F9: variants seen among roughly 807,000 people sequenced by gnomAD.
The protein encoded by F9 is coagulation factor IX.
In F9, 2 loss-of-function variants were observed where a neutral mutation model predicts 34.1. The observed-to-expected ratio is 0.06, with a 90% CI of 0.02 to 0.18. F9 has a LOEUF of 0.18. F9 is among the 10% of genes least tolerant of loss of function. The probability of loss-of-function intolerance (pLI) is 1.00; values close to 1 mark genes in which losing one functional copy is unlikely to be tolerated. For synonymous variants in F9, 137 were observed against 118.8 expected, an observed-to-expected ratio of 1.15 and a Z score of -1.00; for missense variants, 216 against 345.1, an observed-to-expected ratio of 0.63 and a Z score of 2.96.
chrX:139,538,824 C>G (rs184607648), intron 3 of F9, among the ~76,000 whole-genome samples: 3 of 110,996 alleles, frequency 2.7e-5, no homozygotes, highest in Admixed American at 9.6e-5. Flanking sequence ...CTCCCCACCC[C>G]CAGGATCATA....
Position 139,536,830 on chromosome X carries a change from T to C in F9, c.89-180T>C, listed in dbSNP as rs144114492. Among the ~76,000 whole-genome samples, 27 of 112,436 alleles carry C rather than the reference T, an allele frequency of 2.4e-4. No individual in the cohort carries two copies. The East Asian group carries it at 7.2e-3, about 30-fold the overall frequency. On this transcript the variant is annotated intron_variant, in intron 1 of 7. Coordinates refer to ENST00000218099, the MANE Select transcript of F9 (RefSeq NM_000133.4). ...ACTAAAAGTAAAATTGAATTTTAATTCCTAAATCTCCATGTGTATACAGTA... is the reference window on the plus strand; with the variant it reads ...ACTAAAAGTAAAATTGAATTTTAATCCCTAAATCTCCATGTGTATACAGTA...
chrX:139,542,994 C>A (rs1235014949), intron 4 of F9, among the ~76,000 whole-genome samples: 1 of 110,874 alleles, frequency 9.0e-6, no homozygotes, highest in Non-Finnish European at 1.9e-5. Context: ...ACAAATTGCT[C>A]TTTATCTCAG....
intron 3 of F9, among the ~76,000 whole-genome samples, chrX:139,539,955 CA>C (rs1927566005): frequency 9.0e-6 from 1 of 111,628 alleles, no homozygotes; most frequent in African/African-American, 3.3e-5. Flanking sequence ...CACCAGATGT[CA>C]AGGAGATTTG....
In F9 at chrX:139,561,875, C is replaced by T. The variant is rs758194285; in HGVS notation, c.1190C>T (p.Ala397Val). ...ACCATCTATAACAACATGTTCTGTG[C>T]TGGCTTCCATGAAGGAGGTAGAGAT... ...KFTIYNNMFC[A>V]GFHEGGRDSC... The change falls in exon 8 of 8, where the codon GCT becomes GTT. Residue 397 changes from alanine to valine, a missense_variant. Ala to Val is a moderately conservative substitution (Grantham distance 64). Around this residue, in one of 2 missense-constraint regions of F9, gnomAD observed 177 missense variants for 311.8 expected, o/e 0.57. Coordinates refer to ENST00000218099, the MANE Select transcript of F9 (RefSeq NM_000133.4). The T allele has an allele frequency of 8.3e-7, 1 of 1,210,071 alleles. No homozygotes were observed. The highest frequency in any genetic ancestry group is 1.1e-6 in the Non-Finnish European group (1 of 895,252).
At chrX:139,536,977 C>T (rs1339519242) in intron 1 of F9, 33 bp from the exon 2 acceptor site, 1 of 1,161,051 alleles carries the variant, frequency 8.6e-7, no homozygotes. Context: ...TTCTTTTTTG[C>T]TAAAACTAAA....
intron 1 of F9, among the ~76,000 whole-genome samples, chrX:139,535,195 C>A (rs2148354770): frequency 9.0e-6 from 1 of 110,898 alleles, no homozygotes; most frequent in Non-Finnish European, 1.9e-5. Flanking sequence ...CCCGGCTTTA[C>A]TAAAAATACA....
Position 139,562,079 on chromosome X carries a change from T to C in F9, c.*8T>C. The C allele has an allele frequency of 5.8e-6, 7 of 1,203,989 alleles. No homozygotes were observed. The highest frequency in any genetic ancestry group is 1.7e-5 in the African/African-American group (1 of 57,731). ...AAAACAAAGCTCACTTAATGAAAGA[T>C]GGATTTCCAAGGTTAATTCATTGGA... On this transcript the variant is annotated 3_prime_UTR_variant, in exon 8 of 8. Coordinates refer to ENST00000218099, the MANE Select transcript of F9 (RefSeq NM_000133.4).
chrX:139,536,537 C>A (rs891669478), intron 1 of F9, among the ~76,000 whole-genome samples: 9 of 111,388 alleles, frequency 8.1e-5, no homozygotes, highest in African/African-American at 2.6e-4. Flanking sequence ...TCTTTAACAT[C>A]TAGTGACAGA....
intron 4 of F9, among the ~76,000 whole-genome samples, chrX:139,544,166 C>T (rs1360961643): frequency 8.9e-6 from 1 of 111,884 alleles, no homozygotes. Flanking sequence ...TCCCATTGTG[C>T]ATGCCCTGGA....
chrX:139,537,476 A>G, intron 3 of F9, 90 bp downstream of exon 3: 1 of 787,757 alleles, frequency 1.3e-6, no homozygotes, highest in African/African-American at 2.0e-5. Flanking sequence ...AATATATTAA[A>G]CTTTGTCAAA....
intron 6 of F9, among the ~76,000 whole-genome samples, chrX:139,559,153 A>C (rs1928038222): frequency 8.9e-6 from 1 of 112,858 alleles, no homozygotes; most frequent in African/African-American, 3.2e-5. Flanking sequence ...ATGTTCAAAA[A>C]TTTAGGAAAA....
intron 1 of F9, among the ~76,000 whole-genome samples, chrX:139,533,414 T>C (rs1401631844): frequency 8.9e-6 from 1 of 111,944 alleles, no homozygotes; most frequent in Non-Finnish European, 1.9e-5. Context: ...GAGGATGAAG[T>C]GAGATAATGG....
At chrX:139,531,764 G>A (rs865869587) in intron 1 of F9, among the ~76,000 whole-genome samples, 6 of 111,963 alleles carry the variant, frequency 5.4e-5, no homozygotes, top group Admixed American at 1.9e-4. Context: ...CAGGATCAGG[G>A]GTGCCAACCC....
intron 1 of F9, among the ~76,000 whole-genome samples, chrX:139,533,915 C>T (rs956121352): frequency 1.8e-5 from 2 of 111,678 alleles, no homozygotes; most frequent in Non-Finnish European, 3.8e-5. Context: ...TGGAGAGGAA[C>T]AGGAGTTAAT....
At chrX:139,552,276 T>G (rs1192372434) in intron 6 of F9, among the ~76,000 whole-genome samples, 1 of 112,228 alleles carries the variant, frequency 8.9e-6, no homozygotes, top group African/African-American at 3.2e-5. Context: ...AATAATGCAC[T>G]TGTACCTAGT....
intron 1 of F9, among the ~76,000 whole-genome samples, chrX:139,533,409 T>C (rs1440427310): frequency 8.9e-6 from 1 of 112,161 alleles, no homozygotes; most frequent in Non-Finnish European, 1.9e-5. Context: ...TTTGTGAGGA[T>C]GAAGTGAGAT....
rs137852242 is a variant in F9, at chrX:139,551,220, G to A, written c.679G>A (p.Val227Ile). The stretch of plus-strand genomic sequence containing the variant: ...CCAATCATTTAATGACTTCACTCGG[G>A]TTGTTGGTGGAGAAGATGCCAAACC... ...STQSFNDFTRVVGGEDAKPGQ... is the reference protein window; with the variant it reads ...STQSFNDFTRIVGGEDAKPGQ... Residue 227 changes from valine (V) to isoleucine (I), a missense_variant, in exon 6 of 8, where the codon GTT becomes ATT. Transcript: ENST00000218099. 1.2e-5 allele frequency: 15 copies of A among 1,211,372 alleles called. No individual in the cohort carries two copies. Among genetic ancestry groups the A allele is most frequent in the Non-Finnish European group, 1.6e-5 (14 of 895,405 alleles).
chrX:139,545,564 G>A (rs1323498897), intron 4 of F9, among the ~76,000 whole-genome samples: 1 of 111,883 alleles, frequency 8.9e-6, no homozygotes, highest in Admixed American at 9.5e-5. Flanking sequence ...GTTAACGAAA[G>A]TGATACCTAA....
At chrX:139,557,131 C>G (rs2148365532) in intron 6 of F9, among the ~76,000 whole-genome samples, 1 of 111,512 alleles carries the variant, frequency 9.0e-6, no homozygotes, top group South Asian at 3.8e-4. Flanking sequence ...AAACAGGCTC[C>G]CATTAGACTA....
Sources: allele counts gnomAD v4.1 joint callset (sites outside exome capture counted in the v4.1 genomes callset), GRCh38; gene constraint gnomAD v4.1.1; regional missense constraint gnomAD v4.1.1; transcripts MANE v1.5; gene names NCBI Gene and HGNC (gene_info 2026-07-23, HGNC 2026-07-21).